TBC1D4: variants seen among roughly 807,000 people sequenced by gnomAD.
The protein encoded by TBC1D4 is TBC1 domain family member 4.
Under a neutral mutation model 142.5 loss-of-function variants are expected in TBC1D4, and 121 were observed. The ratio of observed to expected loss-of-function variants is 0.85; its 90% CI spans 0.73 to 0.99. The LOEUF (loss-of-function observed/expected upper bound fraction) is 0.99, where lower values mean the gene tolerates loss of function less well. TBC1D4 is among the 50% of genes least tolerant of loss of function. The probability of loss-of-function intolerance (pLI) is 0.00; values close to 1 mark genes in which losing one functional copy is unlikely to be tolerated. For synonymous variants in TBC1D4, 630 were observed against 628.2 expected, an observed-to-expected ratio of 1.00 and a Z score of -0.04; for missense variants, 1,475 against 1,606.6, an observed-to-expected ratio of 0.92 and a Z score of 1.40.
chr13:75,413,962 T>TCCCACA (rs1487774609), intron 1 of TBC1D4, among the ~76,000 whole-genome samples: 14 of 152,316 alleles, frequency 9.2e-5, no homozygotes, highest in African/African-American at 3.4e-4. Context: ...CCACAAGAGA[T>TCCCACA]TGTGCTTAGG....
chr13:75,398,374 C>T (rs1456021614), intron 1 of TBC1D4, among the ~76,000 whole-genome samples: 2 of 152,042 alleles, frequency 1.3e-5, no homozygotes, highest in Non-Finnish European at 2.9e-5. Flanking sequence ...GCCTGAAGGG[C>T]CTCGAGGAAA....
intron 1 of TBC1D4, among the ~76,000 whole-genome samples, chr13:75,458,646 T>C (rs1469606489): frequency 3.3e-5 from 5 of 152,342 alleles, no homozygotes; most frequent in Middle Eastern, 3.4e-3. Flanking sequence ...CTCTATTTAA[T>C]GTATACCCCT....
chr13:75,361,437 G>A (rs1882494227), intron 2 of TBC1D4, among the ~76,000 whole-genome samples: 1 of 152,120 alleles, frequency 6.6e-6, no homozygotes, highest in African/African-American at 2.4e-5. Context: ...CTCGAGTGCA[G>A]GGGGTCAATC....
intron 1 of TBC1D4, among the ~76,000 whole-genome samples, chr13:75,390,543 C>T (rs1226958161): frequency 6.6e-6 from 1 of 152,100 alleles, no homozygotes; most frequent in East Asian, 1.9e-4. Context: ...TACAGATTCC[C>T]ATTCTCATTT....
chr13:75,379,885 CTCTTTTTTTTTTTTTTT>C (rs1215469779), intron 1 of TBC1D4, among the ~76,000 whole-genome samples: 6 of 98,534 alleles, frequency 6.1e-5, no homozygotes, highest in African/African-American at 1.4e-4. Context: ...GTTCATCTGA[CTCTTTTTTTTTTTTTTT>C]TTTTTTTTTT....
intron 1 of TBC1D4, among the ~76,000 whole-genome samples, chr13:75,466,803 G>A (rs575019670): frequency 3.3e-5 from 5 of 151,882 alleles, no homozygotes; most frequent in African/African-American, 9.6e-5. Context: ...CCAGGGAGTC[G>A]GAGGTTGCAG....
chr13:75,454,841 T>C (rs1209295360), intron 1 of TBC1D4, among the ~76,000 whole-genome samples: 1 of 152,220 alleles, frequency 6.6e-6, no homozygotes, highest in Non-Finnish European at 1.5e-5. Context: ...AAATACAATC[T>C]GTAAAGTCCT....
intron 1 of TBC1D4, among the ~76,000 whole-genome samples, chr13:75,400,169 C>T (rs1885012307): frequency 6.6e-6 from 1 of 152,154 alleles, no homozygotes; most frequent in Admixed American, 6.5e-5. Context: ...GTTATGTACC[C>T]TAGAAAACCA....
At chr13:75,336,007 T>C (rs1880165494) in intron 8 of TBC1D4, among the ~76,000 whole-genome samples, 1 of 152,208 alleles carries the variant, frequency 6.6e-6, no homozygotes, top group African/African-American at 2.4e-5. Flanking sequence ...TATTTCCCCT[T>C]TTCTATACAT....
chr13:75,423,519 A>G (rs1886251497), intron 1 of TBC1D4, among the ~76,000 whole-genome samples: 1 of 152,164 alleles, frequency 6.6e-6, no homozygotes, highest in Non-Finnish European at 1.5e-5. Flanking sequence ...GTAAAAGGAA[A>G]GAGGGAGATT....
chr13:75,407,118 T>C (rs186332917), intron 1 of TBC1D4, among the ~76,000 whole-genome samples: 17 of 152,300 alleles, frequency 1.1e-4, no homozygotes, highest in Admixed American at 2.6e-4. Flanking sequence ...TCAATGACCA[T>C]ACTGGTAAGT....
intron 5 of TBC1D4, among the ~76,000 whole-genome samples, chr13:75,348,633 TA>T (rs916537669): frequency 5.3e-5 from 8 of 151,984 alleles, no homozygotes; most frequent in African/African-American, 1.2e-4. Flanking sequence ...CAGAACATAT[TA>T]AAAAAAACTG....
At chr13:75,355,571 G>A (rs1881974923) in intron 4 of TBC1D4, among the ~76,000 whole-genome samples, 1 of 152,154 alleles carries the variant, frequency 6.6e-6, no homozygotes, top group Non-Finnish European at 1.5e-5. Flanking sequence ...CAGCAATGAA[G>A]GGGGGACATA....
chr13:75,330,918 C>T (rs971146245), intron 8 of TBC1D4, among the ~76,000 whole-genome samples: 3 of 152,162 alleles, frequency 2.0e-5, no homozygotes, highest in African/African-American at 7.2e-5. Context: ...GCTACTTACA[C>T]GCCCACCTGC....
rs1880644794 is a variant in TBC1D4 at position 75,341,016 on chromosome 13, G to C, written c.1611+109C>G. On this transcript the variant is annotated intron_variant, in intron 7 of 20. Transcript: ENST00000377636. ...GCGGGGGAGTGAGGGGGTAGTTCAG[G>C]AAACTCTGATAGGACTTTAGCCCTA... 28 of 944,496 alleles carry C rather than the reference G, an allele frequency of 3.0e-5. No homozygotes were observed. The South Asian group carries it at 3.6e-4, about 12-fold the overall frequency. 58.5% of individuals were successfully genotyped at this position (944,496 alleles called of 1,614,324 possible).
intron 7 of TBC1D4, among the ~76,000 whole-genome samples, chr13:75,339,790 C>T (rs1225293923): frequency 6.6e-6 from 1 of 152,016 alleles, no homozygotes; most frequent in Admixed American, 6.6e-5. Context: ...GTTGGCCAGA[C>T]TCTAAACTCC....
At chr13:75,358,297 T>TA (rs1882221862) in intron 3 of TBC1D4, among the ~76,000 whole-genome samples, 1 of 152,214 alleles carries the variant, frequency 6.6e-6, no homozygotes. Context: ...TCACAGCACT[T>TA]ACGATCTCCC....
At chr13:75,457,850 G>A (rs1222121591) in intron 1 of TBC1D4, among the ~76,000 whole-genome samples, 1 of 152,154 alleles carries the variant, frequency 6.6e-6, no homozygotes, top group Non-Finnish European at 1.5e-5. Context: ...CCTCTCATGG[G>A]TCTTACAACA....
rs576984639 is a variant in TBC1D4, at chr13:75,430,001, G to A, written c.498+51269C>T. On this transcript the variant is annotated intron_variant, in intron 1 of 20. Transcript: ENST00000377636. ...GCTAGAGTTAGTCCACATAGAATGA[G>A]CAAGACTAGATAAAGGTATTTCACT... Among the ~76,000 whole-genome samples, 5 of 152,290 alleles carry A rather than the reference G, an allele frequency of 3.3e-5. No homozygotes were observed. The South Asian group carries it at 1.0e-3, about 32-fold the overall frequency.
Sources: gnomAD v4.1 joint callset for allele counts (sites outside exome capture counted in the v4.1 genomes callset) on GRCh38, gnomAD v4.1.1 for gene constraint, MANE v1.5 for transcripts, NCBI Gene and HGNC (gene_info 2026-07-23, HGNC 2026-07-21) for gene names.